The following TUSC3 variants were observed in gnomAD, a reference collection of about 807,000 sequenced individuals.
TUSC3 encodes dolichyl-diphosphooligosaccharide--protein glycosyltransferase subunit TUSC3.
In TUSC3, 45 loss-of-function variants were observed where a neutral mutation model predicts 44.8. That is an observed-to-expected ratio of 1.00 (90% CI 0.79 to 1.29). The LOEUF (loss-of-function observed/expected upper bound fraction) is 1.29, where lower values mean the gene tolerates loss of function less well. Among genes scored for constraint, TUSC3 ranks in the 50% most tolerant of loss-of-function variants. TUSC3 has a pLI of 0.00. For missense variants in TUSC3, 519 were observed against 437.9 expected, an observed-to-expected ratio of 1.19 and a Z score of -1.65; for synonymous variants, 212 against 152.9, an observed-to-expected ratio of 1.39 and a Z score of -2.85.
At chr8:15,434,813 G>A (rs1352256275) in intron 1 of TUSC3, among the ~76,000 whole-genome samples, 1 of 151,828 alleles carries the variant, frequency 6.6e-6, no homozygotes, top group African/African-American at 2.4e-5. Flanking sequence ...GCAATAGTTT[G>A]CTGAGAATAA....
At chr8:15,689,867 A>AATAT (rs3988418) in intron 6 of TUSC3, among the ~76,000 whole-genome samples, 85,553 of 142,904 alleles carry the variant, frequency 0.6, 25,692 homozygotes, top group East Asian at 0.72. Context: ...TGTGTGTATA[A>AATAT]ATATATATAT....
chr8:15,822,036 T>C, the TUSC3 span, among the ~76,000 whole-genome samples: 2 of 152,178 alleles, frequency 1.3e-5, no homozygotes, highest in Non-Finnish European at 2.9e-5. Context: ...AGCCATTTTC[T>C]AGATGCCCTT....
the TUSC3 span, among the ~76,000 whole-genome samples, chr8:15,786,336 C>G: frequency 6.6e-6 from 1 of 152,112 alleles, no homozygotes; most frequent in Admixed American, 6.5e-5. Context: ...TGAAAACATT[C>G]ATCTAAAGGT....
At chr8:15,585,871 C>A (rs763375941) in intron 1 of TUSC3, among the ~76,000 whole-genome samples, 11 of 152,278 alleles carry the variant, frequency 7.2e-5, no homozygotes, top group Admixed American at 4.6e-4. Flanking sequence ...TTTGTTTCTC[C>A]TCTCTCAATA....
chr8:15,461,267 T>TTTTGTTTG (rs373497487), intron 1 of TUSC3, among the ~76,000 whole-genome samples: 97 of 152,170 alleles, frequency 6.4e-4, no homozygotes, highest in African/African-American at 2.1e-3. Context: ...TTCCTAAGTG[T>TTTTGTTTG]TTTGTTTGTT....
intron 6 of TUSC3, among the ~76,000 whole-genome samples, chr8:15,707,204 A>G (rs1260472934): frequency 6.6e-6 from 1 of 152,032 alleles, no homozygotes; most frequent in Non-Finnish European, 1.5e-5. Flanking sequence ...GGTAATGTAA[A>G]TGCATATACA....
At chr8:15,824,100 G>C in the TUSC3 span, among the ~76,000 whole-genome samples, 1 of 152,212 alleles carries the variant, frequency 6.6e-6, no homozygotes, top group Non-Finnish European at 1.5e-5. Flanking sequence ...GGAGGAAGAA[G>C]ATGAGGCCCA....
chr8:15,601,431 A>G (rs1804285102), intron 1 of TUSC3, among the ~76,000 whole-genome samples: 1 of 151,664 alleles, frequency 6.6e-6, no homozygotes, highest in Non-Finnish European at 1.5e-5. Context: ...ACAAGAAATA[A>G]TTTATTAGTG....
intron 1 of TUSC3, among the ~76,000 whole-genome samples, chr8:15,586,168 A>G (rs1803593987): frequency 6.6e-6 from 1 of 152,228 alleles, no homozygotes; most frequent in Non-Finnish European, 1.5e-5. Context: ...GCCTGTTAAA[A>G]GGTCATTTTT....
intron 6 of TUSC3, among the ~76,000 whole-genome samples, chr8:15,682,475 A>G (rs1808466330): frequency 6.6e-6 from 1 of 152,048 alleles, no homozygotes; most frequent in Non-Finnish European, 1.5e-5. Context: ...ATCTCGTGTA[A>G]GTACAACCTC....
At chr8:15,452,403 A>G (rs1800205908) in intron 1 of TUSC3, among the ~76,000 whole-genome samples, 1 of 152,194 alleles carries the variant, frequency 6.6e-6, no homozygotes. Flanking sequence ...CTGATTACTC[A>G]CGCCTTTAAT....
At chr8:15,468,194 T>C (rs1159858736) in intron 1 of TUSC3, among the ~76,000 whole-genome samples, 2 of 152,110 alleles carry the variant, frequency 1.3e-5, no homozygotes, top group African/African-American at 4.8e-5. Flanking sequence ...TTTGGTTGGT[T>C]GGTTTTGGTT....
chr8:15,621,986 A>T (rs956626918), intron 1 of TUSC3, among the ~76,000 whole-genome samples: 5 of 151,892 alleles, frequency 3.3e-5, no homozygotes, highest in Non-Finnish European at 7.4e-5. Flanking sequence ...TTTTACCTTA[A>T]CTCAGGATAA....
intron 2 of TUSC3, among the ~76,000 whole-genome samples, chr8:15,503,904 A>G (rs1046214767): frequency 6.6e-6 from 1 of 151,610 alleles, no homozygotes; most frequent in Non-Finnish European, 1.5e-5. Context: ...AATCCTAGCT[A>G]CTTGGGAGGC....
chr8:15,513,453 AAATCT>A (rs1301576200), intron 2 of TUSC3, among the ~76,000 whole-genome samples: 5 of 152,330 alleles, frequency 3.3e-5, no homozygotes, highest in South Asian at 4.1e-4. Flanking sequence ...CATGAAGGCA[AAATCT>A]AATCTAATTT....
At chr8:15,478,630 G>C (rs1258342290) in intron 1 of TUSC3, among the ~76,000 whole-genome samples, 1 of 152,144 alleles carries the variant, frequency 6.6e-6, no homozygotes, top group African/African-American at 2.4e-5. Flanking sequence ...TGGCTGCATA[G>C]TATTCCATGA....
the TUSC3 span, among the ~76,000 whole-genome samples, chr8:15,834,068 G>T: frequency 2.0e-3 from 308 of 151,720 alleles, 2 homozygotes; most frequent in African/African-American, 7.1e-3. Context: ...AGCTTTTATG[G>T]TTTTATATTT....
At chr8:15,626,087 G>T (rs2129165866) in intron 2 of TUSC3, among the ~76,000 whole-genome samples, 1 of 152,252 alleles carries the variant, frequency 6.6e-6, no homozygotes, top group African/African-American at 2.4e-5. Flanking sequence ...GTGGCAGTGG[G>T]GAGACCCGTG....
intron 1 of TUSC3, among the ~76,000 whole-genome samples, chr8:15,460,360 T>A (rs570477957): frequency 6.6e-6 from 1 of 152,342 alleles, no homozygotes; most frequent in South Asian, 2.1e-4. Flanking sequence ...CCTATTCATG[T>A]TATTAGCCCA....
Sources: gnomAD v4.1 joint callset for allele counts (sites outside exome capture counted in the v4.1 genomes callset) on GRCh38, gnomAD v4.1.1 for gene constraint, MANE v1.5 for transcripts, NCBI Gene and HGNC (gene_info 2026-07-23, HGNC 2026-07-21) for gene names.